The following SDK1 variants were observed in gnomAD, a reference collection of about 807,000 sequenced individuals.
SDK1 encodes the protein protein sidekick-1.
In SDK1, 157 loss-of-function variants were observed where a neutral mutation model predicts 245.5. The ratio of observed to expected loss-of-function variants is 0.64; its 90% CI spans 0.56 to 0.73. The LOEUF is 0.73. Ranked by LOEUF, SDK1 falls within the 30% of genes least tolerant of loss-of-function variation. The pLI is 0.00. For missense variants in SDK1, 3,583 were observed against 3,002.3 expected (o/e 1.19, Z -4.52); for synonymous variants, 1,647 against 1,278.5 (o/e 1.29, Z -6.15).
At chr7:3,860,272 A>G (rs1207786662) in intron 5 of SDK1, among the ~76,000 whole-genome samples, 1 of 152,248 alleles carries the variant, frequency 6.6e-6, no homozygotes, top group Non-Finnish European at 1.5e-5. Context: ...AGACTGGAAG[A>G]AAACATTTGC....
intron 1 of SDK1, among the ~76,000 whole-genome samples, chr7:3,511,287 C>A (rs1436763588): frequency 6.6e-6 from 1 of 152,120 alleles, no homozygotes; most frequent in Non-Finnish European, 1.5e-5. Context: ...TTTTTGCTTT[C>A]TTTTTAGATG....
At chr7:3,747,437 A>T (rs1044702106) in intron 4 of SDK1, among the ~76,000 whole-genome samples, 1 of 152,208 alleles carries the variant, frequency 6.6e-6, no homozygotes, top group African/African-American at 2.4e-5. Context: ...ATTTTAAAGA[A>T]TTCTGAGAAT....
chr7:4,193,200 TTATA>T (rs919509898), intron 35 of SDK1, among the ~76,000 whole-genome samples: 4 of 132,468 alleles, frequency 3.0e-5, no homozygotes, highest in Non-Finnish European at 4.7e-5. Flanking sequence ...ATTAATATAT[TTATA>T]TATTAATATA....
At chr7:4,131,755 T>C (rs1784835561) in intron 27 of SDK1, among the ~76,000 whole-genome samples, 1 of 152,100 alleles carries the variant, frequency 6.6e-6, no homozygotes, top group Admixed American at 6.6e-5. Context: ...ACAAGAATTA[T>C]TATATGCATT....
intron 4 of SDK1, among the ~76,000 whole-genome samples, chr7:3,647,314 C>T (rs892643607): frequency 3.3e-5 from 5 of 152,106 alleles, no homozygotes; most frequent in South Asian, 2.1e-4. Context: ...CAAAAAATAA[C>T]GTCTTCCAAA....
chr7:3,525,567 C>A (rs1030118649), intron 1 of SDK1, among the ~76,000 whole-genome samples: 8 of 152,066 alleles, frequency 5.3e-5, no homozygotes, highest in Non-Finnish European at 7.4e-5. Context: ...TGTACAACAT[C>A]CTTCTGATTG....
At chr7:3,897,529 T>C (rs1478611368) in intron 5 of SDK1, among the ~76,000 whole-genome samples, 1 of 152,218 alleles carries the variant, frequency 6.6e-6, no homozygotes, top group Non-Finnish European at 1.5e-5. Context: ...TGTGTTGGAA[T>C]TTCCTTCTTT....
rs183114963 is a variant in SDK1, at chr7:3,464,937, A to G, written c.299-154143A>G. Among the ~76,000 whole-genome samples, 80 of 152,258 alleles carry G rather than the reference A, an allele frequency of 5.3e-4. No individual in the cohort carries two copies. The East Asian group carries it at 0.011, about 22-fold the overall frequency. ...TCCCTTTAGTATTTGACATCAAACT[A>G]TAGCTTCCACTGAGTAGTTTTAAAA... On this transcript the variant is annotated intron_variant, in intron 1 of 44. Transcript: ENST00000404826.
At chr7:3,510,366 G>A (rs1257391906) in intron 1 of SDK1, among the ~76,000 whole-genome samples, 1 of 152,120 alleles carries the variant, frequency 6.6e-6, no homozygotes, top group African/African-American at 2.4e-5. Context: ...GAATAATGTG[G>A]CTGCTCCAAG....
intron 27 of SDK1, among the ~76,000 whole-genome samples, chr7:4,131,250 CT>C (rs2128199153): frequency 6.6e-6 from 1 of 152,366 alleles, no homozygotes; most frequent in East Asian, 1.9e-4. Context: ...TGGAATGCCG[CT>C]GCTTCCTCTC....
chr7:3,840,469 C>G (rs1257834367), intron 5 of SDK1, among the ~76,000 whole-genome samples: 1 of 152,156 alleles, frequency 6.6e-6, no homozygotes, highest in Non-Finnish European at 1.5e-5. Flanking sequence ...AATTATCGGA[C>G]TAAACTCACA....
At chr7:3,533,633 T>A (rs1783421724) in intron 1 of SDK1, among the ~76,000 whole-genome samples, 1 of 152,152 alleles carries the variant, frequency 6.6e-6, no homozygotes, top group Admixed American at 6.5e-5. Context: ...TTCTGAGAAG[T>A]TTTTTTGGTA....
At chr7:3,686,790 A>G (rs1048976871) in intron 4 of SDK1, among the ~76,000 whole-genome samples, 1 of 152,156 alleles carries the variant, frequency 6.6e-6, no homozygotes, top group Non-Finnish European at 1.5e-5. Flanking sequence ...CAGCTTATGT[A>G]TGGAAAGCAT....
At chr7:3,518,346 T>C (rs1782816339) in intron 1 of SDK1, among the ~76,000 whole-genome samples, 1 of 151,976 alleles carries the variant, frequency 6.6e-6, no homozygotes, top group African/African-American at 2.4e-5. Flanking sequence ...ATGGGATTAT[T>C]TCAAACTCAA....
intron 1 of SDK1, among the ~76,000 whole-genome samples, chr7:3,548,611 G>T (rs1357508225): frequency 6.6e-6 from 1 of 152,196 alleles, no homozygotes; most frequent in African/African-American, 2.4e-5. Context: ...TGAAATAGCT[G>T]TGTTTGAGGG....
chr7:3,977,703 A>G (rs1485164093), intron 13 of SDK1, among the ~76,000 whole-genome samples: 1 of 152,250 alleles, frequency 6.6e-6, no homozygotes, highest in African/African-American at 2.4e-5. Flanking sequence ...TCCTGGTAGC[A>G]CTGATCACGC....
At chr7:4,035,785 TCC>T in intron 17 of SDK1, among the ~76,000 whole-genome samples, 1 of 152,152 alleles carries the variant, frequency 6.6e-6, no homozygotes, top group Non-Finnish European at 1.5e-5. Context: ...ATCTCATCAT[TCC>T]AAGAAGCAAA....
intron 5 of SDK1, among the ~76,000 whole-genome samples, chr7:3,948,302 G>C (rs1431404837): frequency 8.0e-6 from 1 of 125,032 alleles, no homozygotes; most frequent in Non-Finnish European, 1.6e-5. Flanking sequence ...CTGTCACCCA[G>C]GCTGGACTGC....
At chr7:3,424,355 A>G (rs971394238) in intron 1 of SDK1, among the ~76,000 whole-genome samples, 1 of 152,220 alleles carries the variant, frequency 6.6e-6, no homozygotes, top group Non-Finnish European at 1.5e-5. Context: ...GTTTAGATAA[A>G]TCTTTTCTGT....
Sources: gnomAD v4.1 joint callset for allele counts (sites outside exome capture counted in the v4.1 genomes callset) on GRCh38, gnomAD v4.1.1 for gene constraint, MANE v1.5 for transcripts, NCBI Gene and HGNC (gene_info 2026-07-23, HGNC 2026-07-21) for gene names.